TELO2: variants seen among roughly 807,000 people sequenced by gnomAD.
TELO2 encodes telomere length regulation protein TEL2 homolog.
Under a neutral mutation model 91.0 loss-of-function variants are expected in TELO2, and 71 were observed. That is an observed-to-expected ratio of 0.78 (90% CI 0.64 to 0.95). The LOEUF (loss-of-function observed/expected upper bound fraction) is 0.95, where lower values mean the gene tolerates loss of function less well. Ranked by LOEUF, TELO2 falls within the 40% of genes least tolerant of loss-of-function variation. TELO2 has a pLI of 0.00. For synonymous variants in TELO2, 584 were observed against 518.9 expected, an observed-to-expected ratio of 1.13 and a Z score of -1.71; for missense variants, 1,183 against 1,141.3, an observed-to-expected ratio of 1.04 and a Z score of -0.53.
intron 20 of TELO2, 37 bp from the exon 21 acceptor site, chr16:1,509,793 C>A (rs372740088): frequency 1.9e-6 from 3 of 1,571,572 alleles, no homozygotes; most frequent in Non-Finnish European, 1.7e-6. Flanking sequence ...ACGCCCTCCA[C>A]GCTGCCTCAG....
chr16:1,507,196 G>A (rs2039928246), intron 18 of TELO2, 110 bp from the exon 19 acceptor site: 6 of 1,509,912 alleles, frequency 4.0e-6, no homozygotes, highest in Non-Finnish European at 5.4e-6. Context: ...CCCCTCGGCT[G>A]TCAGGCAGGC....
rs2039842055 is a variant in TELO2 at position 1,505,126 on chromosome 16, GC to G, written c.1843-283del. 2 of 400,204 alleles carry G rather than the reference GC, an allele frequency of 5.0e-6. No individual in the cohort carries two copies. 24.8% of individuals were successfully genotyped at this position (400,204 alleles called of 1,614,324 possible). Reference sequence around the variant, plus strand: ...CGACTTCCTGGGATAAGGGCATGTGGCTCTGGCGTGGCGGGACTGCGTGGCT... The same window carrying G: ...CGACTTCCTGGGATAAGGGCATGTGGTCTGGCGTGGCGGGACTGCGTGGCT... On this transcript the variant is annotated intron_variant, in intron 15 of 20. Coordinates refer to ENST00000262319, the MANE Select transcript of TELO2 (RefSeq NM_016111.4). This position sits in a 1 kb window ranked among gnomAD's most constrained non-coding sequence, Gnocchi z 4.3.
At chr16:1,509,340 C>A (rs1013494614) in intron 20 of TELO2, among the ~76,000 whole-genome samples, 1 of 152,206 alleles carries the variant, frequency 6.6e-6, no homozygotes, top group Non-Finnish European at 1.5e-5. Context: ...GCAGAGCCCC[C>A]CCAAGGCTCC....
rs770450745 is a variant in TELO2, at chr16:1,501,468, C to A, written c.1330C>A (p.Gln444Lys). 7 of 1,611,652 alleles carry A rather than the reference C, an allele frequency of 4.3e-6. No homozygotes were observed. Among genetic ancestry groups the A allele is most frequent in the Middle Eastern group, 1.6e-4 (1 of 6,072 alleles). Residue 444 changes from glutamine (Q) to lysine (K), a missense_variant, in exon 10 of 21, where the codon CAG (glutamine) becomes AAG (lysine). By Grantham distance (53) the Gln-to-Lys change is moderately conservative. Transcript: ENST00000262319. Reference protein sequence around the residue: ...SLELLALASPQPAGDGASEAG... With the variant: ...SLELLALASPKPAGDGASEAG... Reference sequence around the variant, plus strand: ...CGAGCTGCTGGCCTTGGCCTCCCCCCAGCCTGCGGGTGACGGCGCCTCGGA... The same window carrying A: ...CGAGCTGCTGGCCTTGGCCTCCCCCAAGCCTGCGGGTGACGGCGCCTCGGA...
chr16:1,507,440 CG>C, intron 19 of TELO2, 70 bp downstream of exon 19: 1 of 1,575,150 alleles, frequency 6.3e-7, no homozygotes, highest in East Asian at 2.3e-5. Flanking sequence ...GTGGGGGCCC[CG>C]TGGAGCCTCG....
chr16:1,506,816 A>T, intron 17 of TELO2, 136 bp from the exon 18 acceptor site: 1 of 1,424,562 alleles, frequency 7.0e-7, no homozygotes, highest in South Asian at 1.5e-5. Context: ...TGCTCCTACG[A>T]TCTCGGTGCA....
At position 1,502,456 on chromosome 16, in the gene TELO2, A is replaced by G. The variant is rs568180069; in HGVS notation, c.1653+52A>G. The stretch of plus-strand genomic sequence containing the variant: ...GAGGCCCAAGATGGTAGCTCCCTCA[A>G]TGCCATCTGTGTCCTGGCCACTGAG... On this transcript the variant is annotated intron_variant, in intron 13 of 20. Transcript: ENST00000262319. 1.0e-5 allele frequency: 16 copies of G among 1,550,516 alleles called. No individual in the cohort carries two copies. The African/African-American group carries it at 1.1e-4, about 11-fold the overall frequency.
intron 13 of TELO2, 81 bp downstream of exon 13, chr16:1,502,485 G>T (rs1304045665): frequency 5.9e-6 from 9 of 1,522,612 alleles, no homozygotes; most frequent in South Asian, 1.2e-5. Flanking sequence ...CACTGAGGGT[G>T]ACATATGGCT....
chr16:1,497,814 T>C lies in TELO2; in HGVS notation c.830+306T>C, dbSNP rs2039548771. Among the ~76,000 whole-genome samples the C allele has an allele frequency of 6.6e-6, 1 of 152,142 alleles. No individual in the cohort carries two copies. Among genetic ancestry groups the C allele is most frequent in the African/African-American group, 2.4e-5 (1 of 41,436 alleles). ...GTCCCCCTCGCACACGTGTGCACCATGTCCAGGCTCTGACATGGTGATGGG... is the reference window on the plus strand; with the variant it reads ...GTCCCCCTCGCACACGTGTGCACCACGTCCAGGCTCTGACATGGTGATGGG... On this transcript the variant is annotated intron_variant, in intron 5 of 20. Transcript: ENST00000262319. This position sits in a 1 kb window ranked among gnomAD's most constrained non-coding sequence, Gnocchi z 4.0.
rs1567298945 is a variant in TELO2, at chr16:1,500,718, CCG to C, written c.1281+22_1281+23del. On this transcript the variant is annotated intron_variant, in intron 9 of 20. Transcript: ENST00000262319. Reference sequence around the variant, plus strand: ...ATTCCAGGTGAGCGGGCCGTCCCCTCCGCGTCCCCGTGTGGCTGGCCCGGGTC... The same window carrying C: ...ATTCCAGGTGAGCGGGCCGTCCCCTCCGTCCCCGTGTGGCTGGCCCGGGTC... 6.2e-7 allele frequency: 1 copy of C among 1,610,744 alleles called. No individual in the cohort carries two copies. Among genetic ancestry groups the C allele is most frequent in the African/African-American group, 1.3e-5 (1 of 75,022 alleles).
Position 1,494,083 on chromosome 16 carries a change from C to A in TELO2, c.-36-163C>A, listed in dbSNP as rs1335304104. 1.3e-5 allele frequency among the ~76,000 whole-genome samples: 2 copies of A among 151,990 alleles called. No homozygotes were observed. Among genetic ancestry groups the A allele is most frequent in the Non-Finnish European group, 2.9e-5 (2 of 67,982 alleles). ...GTTGGGGTCCGAGCGGAGGAGCGAA[C>A]TCTGGGTGGAAACCGGCAGGCACTG... On this transcript the variant is annotated intron_variant, in intron 1 of 20. Coordinates refer to ENST00000262319, the MANE Select transcript of TELO2 (RefSeq NM_016111.4). This position sits in a 1 kb window ranked among gnomAD's most constrained non-coding sequence, Gnocchi z 5.6.
chr16:1,502,205 A>C (rs2039714284), intron 12 of TELO2, 70 bp downstream of exon 12: 1 of 1,594,778 alleles, frequency 6.3e-7, no homozygotes, highest in African/African-American at 1.3e-5. Flanking sequence ...GTTCTGCCTC[A>C]AGGGGCCACC....
rs2039401380 is a variant in TELO2 at position 1,494,311 on chromosome 16, C to T, written c.30C>T (p.Leu10=). ...AGCCAGCACCCTCAGAGGTTCGACT[C>T]GCCGTCCGGGAAGCCATTCATGCCC... MEPAPSEVR[L]AVREAIHALS... The change falls in exon 2 of 21, where the codon CTC becomes CTT. Residue 10 remains leucine (L), a synonymous_variant. Transcript: ENST00000262319. This position sits in a 1 kb window ranked among gnomAD's most constrained non-coding sequence, Gnocchi z 5.6. The T allele has an allele frequency of 1.9e-6, 3 of 1,613,288 alleles. No homozygotes were observed. The highest frequency in any genetic ancestry group is 2.5e-6 in the Non-Finnish European group (3 of 1,179,874).
intron 3 of TELO2, among the ~76,000 whole-genome samples, 187 bp from the exon 4 acceptor site, chr16:1,496,849 T>G (rs756876635): frequency 2.0e-5 from 3 of 152,240 alleles, no homozygotes; most frequent in Non-Finnish European, 4.4e-5. Context: ...AGGATTGTGA[T>G]TTGCTTGTCA....
chr16:1,507,316 C>T lies in TELO2; in HGVS notation c.2237C>T (p.Ala746Val). 1 of 1,609,704 alleles carries T rather than the reference C, an allele frequency of 6.2e-7. No individual in the cohort carries two copies. Among genetic ancestry groups the T allele is most frequent in the South Asian group, 1.1e-5 (1 of 91,032 alleles). The change falls in exon 19 of 21, where the codon GCC becomes GTC. Residue 746 changes from alanine to valine, a missense_variant. Physicochemically the swap from Ala to Val is moderately conservative, Grantham distance 64. Transcript: ENST00000262319. ...CLAVNTTVAV[A>V]MGKALLEFVW... ...TCTGCTGGTGTCCAGGTGGCTGTGG[C>T]CATGGGCAAGGCCCTGCTGGAATTC...
chr16:1,495,307 G>A (rs2142454028), intron 2 of TELO2, 39 bp from the exon 3 acceptor site: 1 of 1,502,668 alleles, frequency 6.7e-7, no homozygotes, highest in Non-Finnish European at 9.0e-7. Flanking sequence ...CCCCGAGGAT[G>A]GGGGTTGGCG....
rs2142449736 is a variant in TELO2, at chr16:1,494,673, G to A, written c.335+57G>A. On this transcript the variant is annotated intron_variant, in intron 2 of 20. Coordinates refer to ENST00000262319, the MANE Select transcript of TELO2 (RefSeq NM_016111.4). The surrounding 1 kb of genome is among the most constrained non-coding windows in gnomAD (Gnocchi z 5.6). ...GGTAGCCTCAGAAGTGATGAGAGTG[G>A]CTTGAAGGACTGGACCAAGAGCCTC... 1 of 1,528,398 alleles carries A rather than the reference G, an allele frequency of 6.5e-7. No homozygotes were observed. Among genetic ancestry groups the A allele is most frequent in the East Asian group, 2.3e-5 (1 of 42,914 alleles). The allele number at this position is 1,528,398 out of a possible 1,614,324, so 94.7% of individuals were successfully genotyped here. A position where few individuals can be genotyped will look rare whatever the true frequency, so the allele number is the denominator to read the frequency against.
At chr16:1,504,646 C>G (rs911656154) in intron 15 of TELO2, among the ~76,000 whole-genome samples, 1 of 148,230 alleles carries the variant, frequency 6.7e-6, no homozygotes, top group African/African-American at 2.5e-5. Context: ...CAAGCTCCCC[C>G]TCCCGGGTTC....
In TELO2 at chr16:1,505,618, C is replaced by T; in HGVS notation, c.2034+17C>T. The T allele has an allele frequency of 6.3e-7, 1 of 1,598,552 alleles. No individual in the cohort carries two copies. Among genetic ancestry groups the T allele is most frequent in the Non-Finnish European group, 8.5e-7 (1 of 1,171,552 alleles). Reference sequence around the variant, plus strand: ...CTCTCCAAGGTTAGTGGCGCCTGGTCAGCTCCTCACGGGCATGGGGACCGT... The same window carrying T: ...CTCTCCAAGGTTAGTGGCGCCTGGTTAGCTCCTCACGGGCATGGGGACCGT... On this transcript the variant is annotated intron_variant, in intron 16 of 20. Coordinates refer to ENST00000262319, the MANE Select transcript of TELO2 (RefSeq NM_016111.4). The surrounding 1 kb of genome is among the most constrained non-coding windows in gnomAD (Gnocchi z 4.3).
Sources: allele counts gnomAD v4.1 joint callset (sites outside exome capture counted in the v4.1 genomes callset), GRCh38; gene constraint gnomAD v4.1.1; non-coding constraint Gnocchi (gnomAD v3.1); transcripts MANE v1.5; gene names NCBI Gene and HGNC (gene_info 2026-07-23, HGNC 2026-07-21).